TXNDC11: variants seen among roughly 807,000 people sequenced by gnomAD.
TXNDC11 encodes thioredoxin domain containing 11.
A neutral mutation model predicts 78.0 loss-of-function variants in TXNDC11; 68 were observed. The ratio of observed to expected loss-of-function variants is 0.87; its 90% confidence interval spans 0.72 to 1.07. The LOEUF (loss-of-function observed/expected upper bound fraction) is 1.07. Among genes scored for constraint, TXNDC11 ranks in the 50% least tolerant of loss-of-function variants. The pLI is 0.00. For missense variants in TXNDC11, 1,389 were observed against 1,221.8 expected (o/e 1.14, Z -2.04); for synonymous variants, 571 against 495.2 (o/e 1.15, Z -2.03).
intron 2 of TXNDC11, among the ~76,000 whole-genome samples, chr16:11,734,306 C>G (rs1335783810): frequency 6.6e-6 from 1 of 152,220 alleles, no homozygotes; most frequent in African/African-American, 2.4e-5. Flanking sequence ...GTTTACCAAT[C>G]TTACCATGCA....
chr16:11,693,604 G>A (rs1300034536), intron 7 of TXNDC11, among the ~76,000 whole-genome samples: 1 of 152,104 alleles, frequency 6.6e-6, no homozygotes. Flanking sequence ...ATACATATTT[G>A]TACACAAAAA....
At chr16:11,688,230 C>T in intron 9 of TXNDC11, 73 bp downstream of exon 9, 1 of 1,535,686 alleles carries the variant, frequency 6.5e-7, no homozygotes, top group Non-Finnish European at 8.9e-7. Context: ...AGCTGCTCAC[C>T]CCAACAACTG....
chr16:11,685,386 C>T (rs1232522441), intron 10 of TXNDC11, among the ~76,000 whole-genome samples: 1 of 151,678 alleles, frequency 6.6e-6, no homozygotes, highest in Non-Finnish European at 1.5e-5. Context: ...TGGCTCACGT[C>T]TGTAATCCCA....
chr16:11,706,109 T>C (rs1197323610), intron 5 of TXNDC11, among the ~76,000 whole-genome samples: 1 of 152,090 alleles, frequency 6.6e-6, no homozygotes, highest in Non-Finnish European at 1.5e-5. Context: ...TCCCATTCGA[T>C]TAAAAAAAAA....
rs749070937 is a variant in TXNDC11 at position 11,730,715 on chromosome 16, C to T, written c.629G>A (p.Arg210His). 2.5e-5 allele frequency: 41 copies of T among 1,613,226 alleles called. No homozygotes were observed. Among genetic ancestry groups the T allele is most frequent in the Non-Finnish European group, 3.3e-5 (39 of 1,179,510 alleles). Residue 210 changes from arginine to histidine, a missense_variant, in exon 4 of 12, where the codon CGC becomes CAC. Transcript: ENST00000283033. The part of the protein sequence containing the change: ...MSAVYIEKFV[R>H]RVMKPLLYIP... The stretch of plus-strand genomic sequence containing the variant: ...GTAGAGAAGTGGTTTCATCACCCGG[C>T]GGACAAACTTCTCAATGTAAACAGC...
At chr16:11,699,802 C>G (rs1354355200) in intron 6 of TXNDC11, among the ~76,000 whole-genome samples, 1 of 152,228 alleles carries the variant, frequency 6.6e-6, no homozygotes, top group African/African-American at 2.4e-5. Flanking sequence ...GCGAGAGAGA[C>G]AGAATACTTC....
chr16:11,720,358 C>T (rs898935738), intron 5 of TXNDC11, among the ~76,000 whole-genome samples: 1 of 151,674 alleles, frequency 6.6e-6, no homozygotes, highest in Non-Finnish European at 1.5e-5. Flanking sequence ...AAAATAACCA[C>T]TAAAAATGCT....
At chr16:11,707,084 G>A (rs2051202925) in intron 5 of TXNDC11, among the ~76,000 whole-genome samples, 3 of 152,224 alleles carry the variant, frequency 2.0e-5, no homozygotes, top group Middle Eastern at 3.4e-3. Flanking sequence ...AGGGAAAACT[G>A]TATTTTAGTT....
intron 6 of TXNDC11, among the ~76,000 whole-genome samples, chr16:11,700,239 A>G (rs1250930280): frequency 6.6e-6 from 1 of 152,232 alleles, no homozygotes; most frequent in East Asian, 1.9e-4. Context: ...AAGAATTTCT[A>G]TACATTAATT....
chr16:11,727,711 G>C (rs954911101), intron 4 of TXNDC11, among the ~76,000 whole-genome samples: 2 of 128,200 alleles, frequency 1.6e-5, no homozygotes, highest in Non-Finnish European at 1.5e-5. Context: ...TCAAGGCACT[G>C]TTTAATTTTC....
intron 11 of TXNDC11, among the ~76,000 whole-genome samples, chr16:11,681,598 C>T (rs1018033859): frequency 6.6e-6 from 1 of 152,186 alleles, no homozygotes; most frequent in Non-Finnish European, 1.5e-5. Context: ...AGTGGCAGGG[C>T]ACACCTCTAA....
chr16:11,706,399 C>T (rs1394901684), intron 5 of TXNDC11, among the ~76,000 whole-genome samples: 7 of 152,194 alleles, frequency 4.6e-5, no homozygotes, highest in Admixed American at 3.9e-4. Context: ...CTGTGATCGT[C>T]GGCTACAAGG....
chr16:11,741,044 T>C (rs1024976937), intron 1 of TXNDC11, among the ~76,000 whole-genome samples: 1 of 152,018 alleles, frequency 6.6e-6, no homozygotes, highest in South Asian at 2.1e-4. Flanking sequence ...CATCCTACAG[T>C]AGTCAGGGCA....
At chr16:11,722,087 T>G (rs1215046205) in intron 4 of TXNDC11, among the ~76,000 whole-genome samples, 1 of 152,224 alleles carries the variant, frequency 6.6e-6, no homozygotes, top group African/African-American at 2.4e-5. Context: ...TAACCTTTCT[T>G]AAGTTTCTTC....
At chr16:11,741,465 C>T (rs2052390419) in intron 1 of TXNDC11, among the ~76,000 whole-genome samples, 3 of 152,176 alleles carry the variant, frequency 2.0e-5, no homozygotes, top group Admixed American at 6.5e-5. Context: ...CAGGGAAACA[C>T]CAAGCTTGCC....
At chr16:11,717,619 A>G (rs1182275560) in intron 5 of TXNDC11, among the ~76,000 whole-genome samples, 1 of 152,080 alleles carries the variant, frequency 6.6e-6, no homozygotes, top group Non-Finnish European at 1.5e-5. Flanking sequence ...CAGGAGTTCA[A>G]GAACAGCCTG....
intron 4 of TXNDC11, among the ~76,000 whole-genome samples, chr16:11,722,449 T>C (rs1052331901): frequency 4.6e-5 from 7 of 152,256 alleles, no homozygotes; most frequent in African/African-American, 7.2e-5. Context: ...CCTGTGGCAC[T>C]CATTCAGTCA....
intron 5 of TXNDC11, among the ~76,000 whole-genome samples, chr16:11,715,021 C>T (rs1173293614): frequency 5.9e-5 from 9 of 152,036 alleles, no homozygotes; most frequent in Admixed American, 2.0e-4. Flanking sequence ...GAGGCCAAAG[C>T]GGGAGGATTG....
At chr16:11,723,106 A>G (rs1486839813) in intron 4 of TXNDC11, among the ~76,000 whole-genome samples, 1 of 151,868 alleles carries the variant, frequency 6.6e-6, no homozygotes, top group Non-Finnish European at 1.5e-5. Context: ...AAAAATACAA[A>G]AATTAGCCAG....
Sources: gnomAD v4.1 joint callset for allele counts (sites outside exome capture counted in the v4.1 genomes callset) on GRCh38, gnomAD v4.1.1 for gene constraint, MANE v1.5 for transcripts, NCBI Gene and HGNC (gene_info 2026-07-23, HGNC 2026-07-21) for gene names.